The following SLC39A12 variants were observed in gnomAD, a reference collection of about 807,000 sequenced individuals.
The protein encoded by SLC39A12 is solute carrier family 39 member 12, also known as zinc transporter ZIP12.
In SLC39A12, 63 loss-of-function variants were observed where a neutral mutation model predicts 71.1. That is an observed-to-expected ratio of 0.89 (90% CI 0.72 to 1.09). The LOEUF (loss-of-function observed/expected upper bound fraction) is 1.09, where lower values mean the gene tolerates loss of function less well. SLC39A12 is among the 50% of genes least tolerant of loss of function. SLC39A12 has a pLI of 0.00. For missense variants in SLC39A12, 892 were observed against 812.6 expected, an observed-to-expected ratio of 1.10 and a Z score of -1.19; for synonymous variants, 351 against 301.3, an observed-to-expected ratio of 1.16 and a Z score of -1.71.
intron 4 of SLC39A12, among the ~76,000 whole-genome samples, chr10:17,969,304 C>A (rs1237503053): frequency 3.3e-5 from 5 of 152,034 alleles, no homozygotes; most frequent in African/African-American, 9.7e-5. Flanking sequence ...GGGTATATAC[C>A]CAGTGGTGGG....
chr10:17,970,475 G>T (rs1289319964), intron 4 of SLC39A12, among the ~76,000 whole-genome samples: 1 of 151,814 alleles, frequency 6.6e-6, no homozygotes, highest in African/African-American at 2.4e-5. Flanking sequence ...TCAGTGTTTT[G>T]TCATTTTCAT....
intron 10 of SLC39A12, among the ~76,000 whole-genome samples, chr10:17,999,356 C>CTACTACT: frequency 7.0e-6 from 1 of 142,082 alleles, no homozygotes; most frequent in Middle Eastern, 4.0e-3. Context: ...GTAACAGTAA[C>CTACTACT]TACTACTTAC....
chr10:17,960,393 A>C (rs1179904219), intron 2 of SLC39A12, among the ~76,000 whole-genome samples: 1 of 152,198 alleles, frequency 6.6e-6, no homozygotes, highest in Non-Finnish European at 1.5e-5. Flanking sequence ...TCAGCTCAAA[A>C]TAATCAATAT....
intron 4 of SLC39A12, among the ~76,000 whole-genome samples, chr10:17,972,263 T>C (rs1218030899): frequency 6.6e-6 from 1 of 152,252 alleles, no homozygotes; most frequent in Non-Finnish European, 1.5e-5. Context: ...GTATGGTCTG[T>C]CCTTGAGAAT....
rs768546774 is a variant in SLC39A12 at position 17,981,371 on chromosome 10, T to G, written c.984T>G (p.Ile328Met). The G allele has an allele frequency of 6.2e-7, 1 of 1,613,764 alleles. No individual in the cohort carries two copies. Among genetic ancestry groups the G allele is most frequent in the Non-Finnish European group, 8.5e-7 (1 of 1,179,814 alleles). ...TTCTACAGAAGGGCCTCTCACTCAT[T>G]TCTAAGGAGGACTTTAAGCAAATGA... The part of the protein sequence containing the change: ...EIFLQKGLSL[I>M]SKEDFKQMSP... The change falls in exon 6 of 13, where the codon ATT (isoleucine) becomes ATG (methionine). Residue 328 changes from isoleucine to methionine, a missense_variant. By Grantham distance (10) the Ile-to-Met change is conservative. Transcript: ENST00000377369.
At position 17,961,761 on chromosome 10, in the gene SLC39A12, C is replaced by T; in HGVS notation, c.442C>T (p.Leu148=). 1 of 1,614,096 alleles carries T rather than the reference C, an allele frequency of 6.2e-7. No homozygotes were observed. The highest frequency in any genetic ancestry group is 8.5e-7 in the Non-Finnish European group (1 of 1,179,970). Residue 148 remains leucine (L), a synonymous_variant, in exon 3 of 13, where the codon CTG becomes TTG. Coordinates refer to ENST00000377369, the MANE Select transcript of SLC39A12 (RefSeq NM_001145195.2). The stretch of plus-strand genomic sequence containing the variant: ...GTATAAATTTTACCTACACAGCCTA[C>T]TGAGCCTCAGGCAGGATGAAGATTC... ...KEYKFYLHSL[L]SLRQDEDSSF...
At chr10:18,026,149 CTCT>C (rs1836670889) in intron 12 of SLC39A12, among the ~76,000 whole-genome samples, 1 of 152,042 alleles carries the variant, frequency 6.6e-6, no homozygotes. Context: ...TTCTCAAGTG[CTCT>C]TCTTTTTTAT....
chr10:18,019,043 A>G (rs1306472131), intron 12 of SLC39A12, among the ~76,000 whole-genome samples: 1 of 152,066 alleles, frequency 6.6e-6, no homozygotes, highest in Non-Finnish European at 1.5e-5. Flanking sequence ...TGGAGAGGTT[A>G]TTGATTATTA....
At chr10:18,012,994 T>C (rs1241009199) in intron 12 of SLC39A12, among the ~76,000 whole-genome samples, 1 of 151,962 alleles carries the variant, frequency 6.6e-6, no homozygotes, top group Non-Finnish European at 1.5e-5. Context: ...AAACTCAGAA[T>C]TTCATGTTTT....
intron 2 of SLC39A12, among the ~76,000 whole-genome samples, chr10:17,959,355 G>T (rs1416234936): frequency 6.6e-6 from 1 of 152,084 alleles, no homozygotes; most frequent in Non-Finnish European, 1.5e-5. Context: ...ACCCCCTGCA[G>T]TTGGGTTCAG....
intron 12 of SLC39A12, among the ~76,000 whole-genome samples, chr10:18,018,614 T>C (rs1188564388): frequency 2.6e-5 from 4 of 152,204 alleles, no homozygotes; most frequent in Non-Finnish European, 1.5e-5. Context: ...TCAAATACTT[T>C]TCCTACACCT....
chr10:17,985,888 G>A (rs1835385303), intron 6 of SLC39A12, among the ~76,000 whole-genome samples: 1 of 152,032 alleles, frequency 6.6e-6, no homozygotes, highest in Non-Finnish European at 1.5e-5. Flanking sequence ...GATTATAAAA[G>A]TCATTGCAAT....
chr10:17,973,162 TTTG>T (rs1835018459), intron 4 of SLC39A12, among the ~76,000 whole-genome samples: 2 of 152,160 alleles, frequency 1.3e-5, no homozygotes, highest in Non-Finnish European at 2.9e-5. Context: ...TTTTAAACTT[TTTG>T]TTGTTTCTAT....
intron 12 of SLC39A12, among the ~76,000 whole-genome samples, chr10:18,025,454 A>G (rs964060571): frequency 1.3e-5 from 2 of 152,122 alleles, no homozygotes; most frequent in East Asian, 1.9e-4. Flanking sequence ...TCATTGTTCA[A>G]TTCCCACCTA....
chr10:18,036,250 A>C (rs370315344), intron 12 of SLC39A12, among the ~76,000 whole-genome samples: 1 of 151,996 alleles, frequency 6.6e-6, no homozygotes, highest in Non-Finnish European at 1.5e-5. Flanking sequence ...CCCCAGCCTC[A>C]CTGCCGCCTT....
intron 12 of SLC39A12, among the ~76,000 whole-genome samples, chr10:18,012,903 A>T (rs1836269315): frequency 6.6e-6 from 1 of 151,928 alleles, no homozygotes; most frequent in African/African-American, 2.4e-5. Flanking sequence ...AATCCTGCAA[A>T]AATGGATTTG....
intron 12 of SLC39A12, among the ~76,000 whole-genome samples, chr10:18,020,097 T>A (rs1836490087): frequency 6.6e-6 from 1 of 152,060 alleles, no homozygotes; most frequent in African/African-American, 2.4e-5. Flanking sequence ...ACCTTGGCAA[T>A]CAAGGTAATA....
chr10:18,028,113 T>C (rs1836729567), intron 12 of SLC39A12, among the ~76,000 whole-genome samples: 2 of 152,246 alleles, frequency 1.3e-5, no homozygotes, highest in South Asian at 4.1e-4. Flanking sequence ...ATCAGTTAAG[T>C]GAACTTTATG....
At chr10:18,023,033 G>T (rs972034466) in intron 12 of SLC39A12, among the ~76,000 whole-genome samples, 1 of 152,122 alleles carries the variant, frequency 6.6e-6, no homozygotes, top group African/African-American at 2.4e-5. Context: ...CCCCTTCTCA[G>T]TGCTAAGAGT....
Sources: gnomAD v4.1 joint callset for allele counts (sites outside exome capture counted in the v4.1 genomes callset) on GRCh38, gnomAD v4.1.1 for gene constraint, MANE v1.5 for transcripts, NCBI Gene and HGNC (gene_info 2026-07-23, HGNC 2026-07-21) for gene names.